The following GRM7 variants were observed in gnomAD, a reference collection of about 807,000 sequenced individuals.
GRM7 encodes metabotropic glutamate receptor 7.
A neutral mutation model predicts 84.5 loss-of-function variants in GRM7; 35 were observed. The ratio of observed to expected loss-of-function variants is 0.41; its 90% CI spans 0.32 to 0.55. The LOEUF is 0.55. Among genes scored for constraint, GRM7 ranks in the 20% least tolerant of loss-of-function variants. The pLI is 0.19. For synonymous variants in GRM7, 487 were observed against 455.1 expected (o/e 1.07, Z -0.89); for missense variants, 1,003 against 1,194.6 (o/e 0.84, Z 2.36).
chr3:7,324,147 C>A (rs961322420), intron 4 of GRM7, among the ~76,000 whole-genome samples: 1 of 152,112 alleles, frequency 6.6e-6, no homozygotes, highest in African/African-American at 2.4e-5. Flanking sequence ...ATTTCCTGAT[C>A]CAGAACTTCC....
intron 8 of GRM7, among the ~76,000 whole-genome samples, chr3:7,614,639 C>G (rs1264369780): frequency 6.6e-6 from 1 of 152,140 alleles, no homozygotes; most frequent in African/African-American, 2.4e-5. Context: ...AAACAGTCAG[C>G]AAATATATAA....
Position 7,151,144 on chromosome 3 carries a change from A to G in GRM7, c.736+4476A>G, listed in dbSNP as rs1694275814. Among the ~76,000 whole-genome samples, 1 of 116,678 alleles carries G rather than the reference A, an allele frequency of 8.6e-6. No homozygotes were observed. Among genetic ancestry groups the G allele is most frequent in the Non-Finnish European group, 1.7e-5 (1 of 57,940 alleles). The allele number at this position is 116,678 out of a possible 152,430, so 76.5% of individuals were successfully genotyped here. ...ATTTATTTTTAATTAATACTTTATC[A>G]TAGCCTAGCATATTTTTTTCCTAAA... On this transcript the variant is annotated intron_variant, in intron 2 of 9. Transcript: ENST00000357716. This position sits in a 1 kb window ranked among gnomAD's most constrained non-coding sequence, Gnocchi z 4.5.
At chr3:6,997,995 T>G (rs917599386) in intron 1 of GRM7, among the ~76,000 whole-genome samples, 1 of 151,408 alleles carries the variant, frequency 6.6e-6, no homozygotes, top group African/African-American at 2.4e-5. Context: ...GGCCTGCACC[T>G]GTAATACCAG....
Position 7,137,862 on chromosome 3 carries a change from C to G in GRM7, c.520-8590C>G, listed in dbSNP as rs184339483. On this transcript the variant is annotated intron_variant, in intron 1 of 9. Transcript: ENST00000357716. Reference sequence around the variant, plus strand: ...GAGAAATAAATACATGCCATTTTAGCTAATAAGTCAAATTACTGTCAGTTC... The same window carrying G: ...GAGAAATAAATACATGCCATTTTAGGTAATAAGTCAAATTACTGTCAGTTC... 2.4e-3 allele frequency among the ~76,000 whole-genome samples: 360 copies of G among 152,098 alleles called. 1 individual carries two copies. The highest frequency in any genetic ancestry group is 3.7e-3 in the Admixed American group (57 of 15,236).
At chr3:7,627,495 A>C (rs1353542953) in intron 8 of GRM7, among the ~76,000 whole-genome samples, 3 of 152,232 alleles carry the variant, frequency 2.0e-5, no homozygotes, top group Non-Finnish European at 4.4e-5. Flanking sequence ...TTGTAGGTGC[A>C]GAAAGGTCAG....
intron 1 of GRM7, among the ~76,000 whole-genome samples, chr3:7,129,212 A>G (rs1011639459): frequency 6.6e-5 from 10 of 152,208 alleles, no homozygotes; most frequent in Admixed American, 1.3e-4. Flanking sequence ...CAAACAATTG[A>G]TATCCTACTA....
chr3:6,890,797 C>G (rs1695904515), intron 1 of GRM7, among the ~76,000 whole-genome samples: 1 of 152,088 alleles, frequency 6.6e-6, no homozygotes, highest in Admixed American at 6.5e-5. Context: ...TGTTAAATTT[C>G]TGTCTCGTTG....
intron 1 of GRM7, among the ~76,000 whole-genome samples, chr3:7,111,948 C>T (rs892958303): frequency 6.6e-5 from 10 of 152,068 alleles, no homozygotes; most frequent in Admixed American, 1.3e-4. Flanking sequence ...TAAAATTAAG[C>T]CTGAGATTGA....
At chr3:6,868,612 G>A (rs1479278118) in intron 1 of GRM7, among the ~76,000 whole-genome samples, 1 of 152,104 alleles carries the variant, frequency 6.6e-6, no homozygotes, top group Non-Finnish European at 1.5e-5. Flanking sequence ...GGATTATGAT[G>A]GCTCTTTCTA....
intron 4 of GRM7, among the ~76,000 whole-genome samples, chr3:7,394,281 T>A (rs1695119208): frequency 6.6e-6 from 1 of 152,192 alleles, no homozygotes; most frequent in South Asian, 2.1e-4. Flanking sequence ...TATCTCCAAA[T>A]GGTAGATTCA....
intron 4 of GRM7, among the ~76,000 whole-genome samples, chr3:7,333,645 A>G (rs550442221): frequency 3.1e-4 from 47 of 152,290 alleles, no homozygotes; most frequent in Middle Eastern, 3.4e-3. Flanking sequence ...AGAATTCAGA[A>G]GGTTGATTAT....
At chr3:7,458,284 C>T (rs1306145077) in intron 6 of GRM7, among the ~76,000 whole-genome samples, 2 of 152,138 alleles carry the variant, frequency 1.3e-5, no homozygotes, top group African/African-American at 4.8e-5. Context: ...CCTAGTGTAC[C>T]TGCATCTTGG....
chr3:7,371,220 G>C (rs543349288), intron 4 of GRM7, among the ~76,000 whole-genome samples: 4 of 152,136 alleles, frequency 2.6e-5, no homozygotes, highest in African/African-American at 9.7e-5. Context: ...TGTTGTAGCC[G>C]TGGCAGATTG....
At chr3:6,992,274 A>G (rs374604941) in intron 1 of GRM7, among the ~76,000 whole-genome samples, 16 of 152,268 alleles carry the variant, frequency 1.1e-4, no homozygotes, top group African/African-American at 3.6e-4. Flanking sequence ...CTCTACATAA[A>G]CCAGCCTGTG....
chr3:6,934,174 C>T (rs1697605230), intron 1 of GRM7, among the ~76,000 whole-genome samples: 1 of 152,150 alleles, frequency 6.6e-6, no homozygotes, highest in Non-Finnish European at 1.5e-5. Context: ...CATCCATTCA[C>T]TAGGGATTGA....
In GRM7 at chr3:7,486,505, A is replaced by G. The variant is rs538432543; in HGVS notation, c.1515+24783A>G. ...GATTAATGCAGTCACTGGGAGAGTG[A>G]GTGAGTTTTTGCTTTCCTGGACTGG... On this transcript the variant is annotated intron_variant, in intron 7 of 9. Coordinates refer to ENST00000357716, the MANE Select transcript of GRM7 (RefSeq NM_000844.4). This position sits in a 1 kb window ranked among gnomAD's most constrained non-coding sequence, Gnocchi z 5.5. Among the ~76,000 whole-genome samples, 7 of 152,066 alleles carry G rather than the reference A, an allele frequency of 4.6e-5. No individual in the cohort carries two copies. The highest frequency in any genetic ancestry group is 7.4e-5 in the Non-Finnish European group (5 of 68,008).
chr3:7,109,143 A>G (rs960973552), intron 1 of GRM7, among the ~76,000 whole-genome samples: 2 of 152,184 alleles, frequency 1.3e-5, no homozygotes, highest in African/African-American at 2.4e-5. Flanking sequence ...CTTTTCCCTC[A>G]TTCCTTTTGT....
At chr3:7,589,506 T>C (rs111787476) in intron 8 of GRM7, among the ~76,000 whole-genome samples, 120 of 152,312 alleles carry the variant, frequency 7.9e-4, no homozygotes, top group African/African-American at 2.7e-3. Context: ...GTTGACAATA[T>C]GGCAACAGTG....
chr3:7,179,450 T>C (rs1435218963), intron 2 of GRM7, among the ~76,000 whole-genome samples: 1 of 152,264 alleles, frequency 6.6e-6, no homozygotes, highest in African/African-American at 2.4e-5. Flanking sequence ...TTGATTTTTT[T>C]CAATGTTTTC....
Sources: allele counts gnomAD v4.1 joint callset (sites outside exome capture counted in the v4.1 genomes callset), GRCh38; gene constraint gnomAD v4.1.1; non-coding constraint Gnocchi (gnomAD v3.1); transcripts MANE v1.5; gene names NCBI Gene and HGNC (gene_info 2026-07-23, HGNC 2026-07-21).